Variants in NDUFS6 observed in about 807,000 individuals in gnomAD.
NDUFS6 encodes the protein NADH dehydrogenase [ubiquinone] iron-sulfur protein 6, mitochondrial.
Under a neutral mutation model 13.2 loss-of-function variants are expected in NDUFS6, and 14 were observed. The ratio of observed to expected loss-of-function variants is 1.06; its 90% confidence interval spans 0.70 to 1.66. The LOEUF (loss-of-function observed/expected upper bound fraction) is 1.66. Ranked by LOEUF, NDUFS6 falls within the 40% of genes most tolerant of loss-of-function variation. The pLI, the probability that NDUFS6 is intolerant of heterozygous loss-of-function variation, is 0.00. For missense variants in NDUFS6, 206 were observed against 170.8 expected (o/e 1.21, Z -1.15); for synonymous variants, 95 against 72.3 (o/e 1.31, Z -1.60).
intron 2 of NDUFS6, among the ~76,000 whole-genome samples, chr5:1,813,591 G>T (rs1401865929): frequency 1.3e-5 from 2 of 152,114 alleles, no homozygotes; most frequent in Non-Finnish European, 1.5e-5. Context: ...ACCCCATCGC[G>T]GTATTATGGA....
Position 1,801,471 on chromosome 5 carries a change from G to C in NDUFS6, c.54G>C (p.Ala18=), listed in dbSNP as rs751671612. ...TGCTGAACCGGTGTGGCGAGGCGGC[G>C]CGGAGCCTGCCCCTGGGCGCCAGGT... ...CRLLNRCGEA[A]RSLPLGARCF... Residue 18 remains alanine, a synonymous_variant, in exon 1 of 4, where the codon GCG becomes GCC. Transcript: ENST00000274137. The C allele has an allele frequency of 6.2e-6, 10 of 1,603,420 alleles. No homozygotes were observed. The highest frequency in any genetic ancestry group is 7.6e-6 in the Non-Finnish European group (9 of 1,178,596).
chr5:1,812,659 C>T (rs1217354664), intron 2 of NDUFS6, among the ~76,000 whole-genome samples: 1 of 151,074 alleles, frequency 6.6e-6, no homozygotes, highest in African/African-American at 2.4e-5. Flanking sequence ...AGAATCCAGT[C>T]CCTTCCCTTC....
intron 2 of NDUFS6, among the ~76,000 whole-genome samples, chr5:1,813,690 C>T (rs915893499): frequency 6.6e-6 from 1 of 152,174 alleles, no homozygotes; most frequent in African/African-American, 2.4e-5. Context: ...CCGCACATGC[C>T]TATGAGTCAT....
In NDUFS6 at chr5:1,803,352, G is replaced by A. The variant is rs558276535; in HGVS notation, c.186+978G>A. Among the ~76,000 whole-genome samples the A allele has an allele frequency of 2.4e-4, 36 of 152,312 alleles. No homozygotes were observed. The South Asian group carries it at 5.6e-3, about 24-fold the overall frequency. On this transcript the variant is annotated intron_variant, in intron 2 of 3. Transcript: ENST00000274137. Reference sequence around the variant, plus strand: ...GATTATTTGGCAATGCCACTTGAGTGTTGGGTTGAGAAAGATCCTGAGGCC... The same window carrying A: ...GATTATTTGGCAATGCCACTTGAGTATTGGGTTGAGAAAGATCCTGAGGCC...
At position 1,801,496 on chromosome 5, in the gene NDUFS6, T is replaced by G. The variant is rs2111344450; in HGVS notation, c.79T>G (p.Cys27Gly). 6.2e-7 allele frequency: 1 copy of G among 1,601,634 alleles called. No individual in the cohort carries two copies. Among genetic ancestry groups the G allele is most frequent in the East Asian group, 2.2e-5 (1 of 44,824 alleles). The change falls in exon 1 of 4, where the codon TGT becomes GGT. Residue 27 changes from cysteine (C) to glycine (G), a missense_variant. Transcript: ENST00000274137. ...GCGGAGCCTGCCCCTGGGCGCCAGGTGTTTCGGGGTGCGGGTCTCGCCGAC... is the reference window on the plus strand; with the variant it reads ...GCGGAGCCTGCCCCTGGGCGCCAGGGGTTTCGGGGTGCGGGTCTCGCCGAC... ...AARSLPLGAR[C>G]FGVRVSPTGE...
At chr5:1,813,006 C>T (rs977025175) in intron 2 of NDUFS6, among the ~76,000 whole-genome samples, 3 of 152,042 alleles carry the variant, frequency 2.0e-5, no homozygotes, top group Admixed American at 2.0e-4. Flanking sequence ...GAGCCAAAAT[C>T]GCGCCACTGC....
chr5:1,806,023 G>A (rs1287108374), intron 2 of NDUFS6, among the ~76,000 whole-genome samples: 3 of 152,214 alleles, frequency 2.0e-5, no homozygotes, highest in Non-Finnish European at 4.4e-5. Context: ...GTGTGTGTTC[G>A]CCTTACTCTG....
intron 2 of NDUFS6, among the ~76,000 whole-genome samples, chr5:1,804,341 G>T (rs995835913): frequency 1.3e-5 from 2 of 152,254 alleles, no homozygotes. Flanking sequence ...TTTCTGGTTG[G>T]TGTAGCATAG....
chr5:1,808,105 A>G (rs2111353889), intron 2 of NDUFS6, among the ~76,000 whole-genome samples: 1 of 152,276 alleles, frequency 6.6e-6, no homozygotes, highest in Non-Finnish European at 1.5e-5. Flanking sequence ...CCGCCTTTGC[A>G]GGTCATCTGG....
chr5:1,814,255 C>T lies in NDUFS6; in HGVS notation c.187-84C>T, dbSNP rs3752844. On this transcript the variant is annotated intron_variant, in intron 2 of 3. Coordinates refer to ENST00000274137, the MANE Select transcript of NDUFS6 (RefSeq NM_004553.6). This position sits in a 1 kb window ranked among gnomAD's most constrained non-coding sequence, Gnocchi z 4.9. ...GCACCATAGATTCGTGCTGATGGTACATGAATTTGTGTGTGGTGGGTTAAA... is the reference window on the plus strand; with the variant it reads ...GCACCATAGATTCGTGCTGATGGTATATGAATTTGTGTGTGGTGGGTTAAA... 382,944 of 1,574,044 alleles carry T rather than the reference C, an allele frequency of 0.24. 47,868 individuals are homozygous for T. The highest frequency in any genetic ancestry group is 0.31 in the Admixed American group (18,713 of 59,642).
intron 2 of NDUFS6, among the ~76,000 whole-genome samples, chr5:1,806,273 A>G (rs1734120493): frequency 6.6e-6 from 1 of 152,120 alleles, no homozygotes; most frequent in African/African-American, 2.4e-5. Flanking sequence ...TTGTGCCTTC[A>G]TCTGCCCGCC....
chr5:1,815,254 C>T (rs1734290773), intron 3 of NDUFS6, among the ~76,000 whole-genome samples: 1 of 151,850 alleles, frequency 6.6e-6, no homozygotes, highest in African/African-American at 2.4e-5. Flanking sequence ...CTCAGGGACT[C>T]GGGCGGCTGC....
intron 2 of NDUFS6, among the ~76,000 whole-genome samples, chr5:1,812,926 G>A (rs377564471): frequency 6.6e-6 from 1 of 152,176 alleles, no homozygotes; most frequent in Non-Finnish European, 1.5e-5. Flanking sequence ...GGTGGCGGGT[G>A]CCTGTAATCC....
chr5:1,808,667 C>A, intron 2 of NDUFS6, among the ~76,000 whole-genome samples: 1 of 152,312 alleles, frequency 6.6e-6, no homozygotes, highest in African/African-American at 2.4e-5. Flanking sequence ...CAAAATTAGT[C>A]ACTGGATTCC....
chr5:1,807,488 G>C (rs971402033), intron 2 of NDUFS6, among the ~76,000 whole-genome samples: 11 of 152,180 alleles, frequency 7.2e-5, no homozygotes, highest in African/African-American at 2.7e-4. Flanking sequence ...TCAGGCCCAC[G>C]CAGGAATTGA....
rs745565855 is a variant in NDUFS6, at chr5:1,815,910, C to T, written c.369C>T (p.His123=). The change falls in exon 4 of 4, where the codon CAC becomes CAT. Residue 123 remains histidine (H), a synonymous_variant. Transcript: ENST00000274137. ...GTGGGCTCCAGTTCAGACAGCACCA[C>T]CACTAGAGCGTGTGGCACGCCGGGG... is the stretch of plus-strand genomic sequence containing the variant. ...GYCGLQFRQH[H]H is the part of the protein sequence containing the mutation. 1.2e-6 allele frequency: 2 copies of T among 1,614,244 alleles called. No homozygotes were observed. The highest frequency in any genetic ancestry group is 1.1e-5 in the South Asian group (1 of 91,090).
At chr5:1,806,036 G>T (rs1489576416) in intron 2 of NDUFS6, among the ~76,000 whole-genome samples, 1 of 152,254 alleles carries the variant, frequency 6.6e-6, no homozygotes, top group East Asian at 1.9e-4. Flanking sequence ...TTACTCTGCT[G>T]CTGCCTTCGC....
rs190912698 is a variant in NDUFS6, at chr5:1,813,959, C to T, written c.187-380C>T. Among the ~76,000 whole-genome samples the T allele has an allele frequency of 6.4e-4, 98 of 152,282 alleles. 1 individual carries two copies. The highest frequency in any genetic ancestry group is 2.2e-3 in the African/African-American group (91 of 41,544). Reference sequence around the variant, plus strand: ...TCTGTGAGAGAATGTTCTTATGAAACGCACATGGGAGCCTGTGACAGACAG... The same window carrying T: ...TCTGTGAGAGAATGTTCTTATGAAATGCACATGGGAGCCTGTGACAGACAG... On this transcript the variant is annotated intron_variant, in intron 2 of 3. Coordinates refer to ENST00000274137, the MANE Select transcript of NDUFS6 (RefSeq NM_004553.6).
At chr5:1,811,527 C>G (rs1302343815) in intron 2 of NDUFS6, among the ~76,000 whole-genome samples, 2 of 152,216 alleles carry the variant, frequency 1.3e-5, no homozygotes, top group African/African-American at 4.8e-5. Context: ...TTCCTACATG[C>G]AGCTGTTGGT....
Sources: gnomAD v4.1 joint callset for allele counts (sites outside exome capture counted in the v4.1 genomes callset) on GRCh38, gnomAD v4.1.1 for gene constraint, Gnocchi (gnomAD v3.1) non-coding constraint, MANE v1.5 for transcripts, NCBI Gene and HGNC (gene_info 2026-07-23, HGNC 2026-07-21) for gene names.